Variants in NCOA7 observed in about 807,000 individuals in gnomAD.
The protein encoded by NCOA7 is nuclear receptor coactivator 7, also known as 140 kDa estrogen receptor-associated protein.
NCOA7 carries 45 observed loss-of-function variants against 104.3 expected under a neutral mutation model. The ratio of observed to expected loss-of-function variants is 0.43; its 90% confidence interval spans 0.34 to 0.55. The LOEUF (loss-of-function observed/expected upper bound fraction) is 0.55. Among genes scored for constraint, NCOA7 ranks in the 20% least tolerant of loss-of-function variants. The probability of loss-of-function intolerance (pLI) is 0.02; values close to 1 mark genes in which losing one functional copy is unlikely to be tolerated. For synonymous variants in NCOA7, 398 were observed against 402.3 expected (o/e 0.99, Z 0.13); for missense variants, 1,041 against 1,119.7 (o/e 0.93, Z 1.00).
At chr6:125,829,823 G>A (rs764675720) in intron 2 of NCOA7, among the ~76,000 whole-genome samples, 8 of 152,176 alleles carry the variant, frequency 5.3e-5, no homozygotes, top group Non-Finnish European at 1.2e-4. Flanking sequence ...GTAATTGAGA[G>A]ATTAGAAAGA....
chr6:125,852,049 T>C (rs1354915236), intron 2 of NCOA7, among the ~76,000 whole-genome samples: 1 of 152,220 alleles, frequency 6.6e-6, no homozygotes, highest in Admixed American at 6.5e-5. Flanking sequence ...GTCTGTTTAC[T>C]CTCATGATTT....
At chr6:125,831,241 T>C (rs1171572969) in intron 2 of NCOA7, among the ~76,000 whole-genome samples, 1 of 152,240 alleles carries the variant, frequency 6.6e-6, no homozygotes, top group East Asian at 1.9e-4. Context: ...GAAATCTTTC[T>C]ATACTACCTC....
chr6:125,921,640 T>A (rs1787596335), intron 12 of NCOA7, among the ~76,000 whole-genome samples: 1 of 152,076 alleles, frequency 6.6e-6, no homozygotes, highest in Admixed American at 6.6e-5. Context: ...CTTAAAAAAA[T>A]AAAAATTTTA....
intron 10 of NCOA7, among the ~76,000 whole-genome samples, chr6:125,901,953 G>C (rs1483286967): frequency 6.6e-6 from 1 of 152,146 alleles, no homozygotes; most frequent in Non-Finnish European, 1.5e-5. Flanking sequence ...ACTTCTCTCT[G>C]ACTGTATTCT....
chr6:125,895,756 C>T (rs948019305), intron 10 of NCOA7, among the ~76,000 whole-genome samples: 2 of 151,906 alleles, frequency 1.3e-5, no homozygotes, highest in African/African-American at 4.8e-5. Flanking sequence ...AGAGAGTGGG[C>T]GGAGTTGCTA....
At chr6:125,876,697 T>C (rs556153383) in intron 4 of NCOA7, among the ~76,000 whole-genome samples, 4 of 152,320 alleles carry the variant, frequency 2.6e-5, no homozygotes, top group East Asian at 3.9e-4. Context: ...TTTCATGTTA[T>C]GGAGATTAAT....
chr6:125,828,026 G>T (rs1483839423), intron 2 of NCOA7, among the ~76,000 whole-genome samples: 5 of 152,202 alleles, frequency 3.3e-5, no homozygotes, highest in African/African-American at 1.2e-4. Context: ...ATACACAATT[G>T]GGTATGTGTA....
intron 10 of NCOA7, among the ~76,000 whole-genome samples, chr6:125,895,266 T>C (rs1784912159): frequency 6.6e-6 from 1 of 152,204 alleles, no homozygotes; most frequent in Admixed American, 6.5e-5. Context: ...TCTCAAGCCA[T>C]GCATAAATGT....
At chr6:125,834,193 A>T (rs1779420156) in intron 2 of NCOA7, among the ~76,000 whole-genome samples, 1 of 152,214 alleles carries the variant, frequency 6.6e-6, no homozygotes, top group Non-Finnish European at 1.5e-5. Context: ...TTAACCATAA[A>T]AAGTTCTCAT....
chr6:125,846,360 AATT>A (rs762553007), intron 2 of NCOA7, among the ~76,000 whole-genome samples: 11 of 67,564 alleles, frequency 1.6e-4, no homozygotes, highest in South Asian at 1.6e-3. Flanking sequence ...AAGAAAAAAA[AATT>A]TTTTTTTTTT....
chr6:125,913,814 A>G, intron 10 of NCOA7: 1 of 220,118 alleles, frequency 4.5e-6, no homozygotes, highest in Non-Finnish European at 7.7e-6. Flanking sequence ...ATTGAAAAAA[A>G]GAAAAACACT....
intron 11 of NCOA7, among the ~76,000 whole-genome samples, chr6:125,920,000 A>G (rs1482639833): frequency 6.6e-6 from 1 of 152,266 alleles, no homozygotes; most frequent in East Asian, 1.9e-4. Flanking sequence ...ACAAAAGGCC[A>G]AGAAGCCTAA....
chr6:125,926,585 T>C (rs544594691), intron 13 of NCOA7, among the ~76,000 whole-genome samples: 1 of 152,200 alleles, frequency 6.6e-6, no homozygotes, highest in South Asian at 2.1e-4. Context: ...TATTTCTTTG[T>C]TCTTAGCAGC....
chr6:125,827,533 C>A (rs1320579999), intron 2 of NCOA7, among the ~76,000 whole-genome samples: 1 of 152,108 alleles, frequency 6.6e-6, no homozygotes, highest in Non-Finnish European at 1.5e-5. Flanking sequence ...AAAGTAGTAT[C>A]CACTTTAGAC....
chr6:125,831,988 C>T (rs1422303918), intron 2 of NCOA7, among the ~76,000 whole-genome samples: 6 of 152,188 alleles, frequency 3.9e-5, no homozygotes, highest in Non-Finnish European at 7.3e-5. Context: ...GGTTCTTCCA[C>T]AGACTCATTT....
intron 13 of NCOA7, among the ~76,000 whole-genome samples, chr6:125,924,041 C>T (rs990740900): frequency 3.3e-5 from 5 of 152,038 alleles, no homozygotes; most frequent in African/African-American, 1.2e-4. Flanking sequence ...AAGATCCAAG[C>T]TGAAAGGTGG....
intron 10 of NCOA7, among the ~76,000 whole-genome samples, chr6:125,911,405 T>G (rs1786539013): frequency 6.6e-6 from 1 of 152,222 alleles, no homozygotes; most frequent in African/African-American, 2.4e-5. Flanking sequence ...ATTACTGTCA[T>G]TATTACTAGC....
intron 11 of NCOA7, among the ~76,000 whole-genome samples, chr6:125,918,046 A>C (rs967456282): frequency 1.3e-5 from 2 of 152,140 alleles, no homozygotes; most frequent in Non-Finnish European, 2.9e-5. Flanking sequence ...CAGGTGAGGG[A>C]GACCACCTGG....
In NCOA7 at chr6:125,922,795, C is replaced by G. The variant is rs753010776; in HGVS notation, c.2484C>G (p.Asp828Glu). The change falls in exon 13 of 16, where the codon GAC becomes GAG. Residue 828 changes from aspartate to glutamate, a missense_variant. This residue lies in a region of NCOA7 where 127 missense variants were observed against 177.0 expected (regional missense o/e 0.72). Coordinates refer to ENST00000392477, the MANE Select transcript of NCOA7 (RefSeq NM_181782.5). ...TCTACCGGAAATCGGCATCACTAGA[C>G]AGTCCTGTCCTATTGGTCATCAAAG... is the stretch of plus-strand genomic sequence containing the variant. The part of the protein sequence containing the change: ...KTLYRKSASL[D>E]SPVLLVIKDM... 6.2e-7 allele frequency: 1 copy of G among 1,614,150 alleles called. No individual in the cohort carries two copies. The highest frequency in any genetic ancestry group is 2.2e-5 in the East Asian group (1 of 44,890).
Sources: gnomAD v4.1 joint callset for allele counts (sites outside exome capture counted in the v4.1 genomes callset) on GRCh38, gnomAD v4.1.1 for gene constraint, gnomAD v4.1.1 regional missense constraint, MANE v1.5 for transcripts, NCBI Gene and HGNC (gene_info 2026-07-23, HGNC 2026-07-21) for gene names.